MLLT3: variants seen among roughly 807,000 people sequenced by gnomAD.
MLLT3 encodes MLLT3 super elongation complex subunit.
MLLT3 carries 4 observed loss-of-function variants against 53.2 expected under a neutral mutation model. That is an observed-to-expected ratio of 0.08 (90% CI 0.04 to 0.17). The LOEUF is 0.17. Ranked by LOEUF, MLLT3 falls within the 10% of genes least tolerant of loss-of-function variation. The pLI, the probability that MLLT3 is intolerant of heterozygous loss-of-function variation, is 1.00. For synonymous variants in MLLT3, 283 were observed against 230.6 expected (o/e 1.23, Z -2.06); for missense variants, 569 against 684.0 (o/e 0.83, Z 1.87).
At chr9:20,394,567 T>G (rs112096320) in intron 5 of MLLT3, among the ~76,000 whole-genome samples, 1 of 152,128 alleles carries the variant, frequency 6.6e-6, no homozygotes, top group African/African-American at 2.4e-5. Flanking sequence ...GGAGACATCA[T>G]GTCTGGGTGT....
chr9:20,501,834 A>G (rs1167295322), intron 2 of MLLT3, among the ~76,000 whole-genome samples: 1 of 150,838 alleles, frequency 6.6e-6, no homozygotes, highest in African/African-American at 2.4e-5. Context: ...TAATCCCAGC[A>G]TTTTGAGAAG....
chr9:20,391,685 T>C (rs1212973998), intron 5 of MLLT3, among the ~76,000 whole-genome samples: 3 of 152,222 alleles, frequency 2.0e-5, no homozygotes, highest in African/African-American at 4.8e-5. Flanking sequence ...TCTAATGTTA[T>C]TGCATTTAAT....
chr9:20,507,383 C>G (rs926084775), intron 2 of MLLT3, among the ~76,000 whole-genome samples: 7 of 152,122 alleles, frequency 4.6e-5, no homozygotes, highest in Non-Finnish European at 7.4e-5. Flanking sequence ...AAATTGCCTC[C>G]CCCAAGTTGA....
At chr9:20,417,821 G>C (rs1198150482) in intron 4 of MLLT3, among the ~76,000 whole-genome samples, 1 of 152,062 alleles carries the variant, frequency 6.6e-6, no homozygotes, top group East Asian at 1.9e-4. Context: ...TCAAGTGGAG[G>C]ACTTAAGAAA....
chr9:20,563,475 C>CATGTATT (rs1349027631), intron 2 of MLLT3, among the ~76,000 whole-genome samples: 1 of 151,976 alleles, frequency 6.6e-6, no homozygotes, highest in East Asian at 1.9e-4. Flanking sequence ...TTCAGACAAA[C>CATGTATT]CAGGCTAAAT....
chr9:20,387,225 C>A (rs1262804572), intron 5 of MLLT3, among the ~76,000 whole-genome samples: 1 of 152,176 alleles, frequency 6.6e-6, no homozygotes, highest in African/African-American at 2.4e-5. Flanking sequence ...CAGTCGCAGA[C>A]AGTATGTAAA....
intron 2 of MLLT3, among the ~76,000 whole-genome samples, chr9:20,564,867 T>C (rs1450740147): frequency 6.6e-6 from 1 of 152,110 alleles, no homozygotes; most frequent in African/African-American, 2.4e-5. Context: ...CACTAATCCC[T>C]TGAGCCATCC....
chr9:20,597,108 G>A (rs1299496205), intron 2 of MLLT3, among the ~76,000 whole-genome samples: 1 of 151,864 alleles, frequency 6.6e-6, no homozygotes, highest in African/African-American at 2.4e-5. Flanking sequence ...CAAGTACGTA[G>A]AAATACTATC....
At position 20,621,430 on chromosome 9, in the gene MLLT3, ACGT is replaced by A. The variant is rs1353703724; in HGVS notation, c.13-599_13-597del. ...GGGGTTCGTGCACAACAAAAATGAG[ACGT>A]CGTCATACACACTGAAACACACACA... On this transcript the variant is annotated intron_variant, in intron 1 of 10. Transcript: ENST00000380338. This position sits in a 1 kb window ranked among gnomAD's most constrained non-coding sequence, Gnocchi z 7.0. 3.3e-5 allele frequency among the ~76,000 whole-genome samples: 5 copies of A among 152,076 alleles called. No homozygotes were observed. The highest frequency in any genetic ancestry group is 1.2e-4 in the African/African-American group (5 of 41,408).
chr9:20,365,344 G>C (rs753664054), intron 6 of MLLT3, among the ~76,000 whole-genome samples: 2 of 151,826 alleles, frequency 1.3e-5, no homozygotes, highest in Non-Finnish European at 2.9e-5. Context: ...GTTTTGTTTT[G>C]TTTTCTTTTT....
chr9:20,398,344 T>C (rs1187761560), intron 5 of MLLT3, among the ~76,000 whole-genome samples: 1 of 152,076 alleles, frequency 6.6e-6, no homozygotes, highest in East Asian at 1.9e-4. Context: ...TTCCCAAATG[T>C]TGGGATTACA....
chr9:20,561,993 G>A lies in MLLT3; in HGVS notation c.193+58661C>T, dbSNP rs560326881. 3.3e-5 allele frequency among the ~76,000 whole-genome samples: 5 copies of A among 152,114 alleles called. No individual in the cohort carries two copies. The South Asian group carries it at 1.0e-3, about 32-fold the overall frequency. On this transcript the variant is annotated intron_variant, in intron 2 of 10. Coordinates refer to ENST00000380338, the MANE Select transcript of MLLT3 (RefSeq NM_004529.4). ...GGAACAGAAGTAAGGACATCACCAA[G>A]GGGAGATGGAGAGAATCCTAAGCCT...
chr9:20,570,033 T>C (rs1399392787), intron 2 of MLLT3, among the ~76,000 whole-genome samples: 1 of 152,190 alleles, frequency 6.6e-6, no homozygotes, highest in Non-Finnish European at 1.5e-5. Flanking sequence ...TGAAAGATCC[T>C]CAAACTGTGG....
At position 20,559,543 on chromosome 9, in the gene MLLT3, G is replaced by A. The variant is rs554373325; in HGVS notation, c.193+61111C>T. On this transcript the variant is annotated intron_variant, in intron 2 of 10. Coordinates refer to ENST00000380338, the MANE Select transcript of MLLT3 (RefSeq NM_004529.4). ...GATAAGTTGCTGAGTTTATTATATG[G>A]GGATATTTATTTCAAAGCCAATGCC... is the stretch of plus-strand genomic sequence containing the variant. Among the ~76,000 whole-genome samples, 46 of 152,236 alleles carry A rather than the reference G, an allele frequency of 3.0e-4. 1 individual carries two copies. The highest frequency in any genetic ancestry group is 9.6e-4 in the African/African-American group (40 of 41,550).
chr9:20,358,606 C>T (rs1057089404), intron 8 of MLLT3, among the ~76,000 whole-genome samples: 1 of 152,174 alleles, frequency 6.6e-6, no homozygotes, highest in African/African-American at 2.4e-5. Flanking sequence ...TTCAAGACTG[C>T]CCATTCAGGA....
At chr9:20,379,301 T>C (rs1821851639) in intron 5 of MLLT3, among the ~76,000 whole-genome samples, 1 of 152,072 alleles carries the variant, frequency 6.6e-6, no homozygotes. Flanking sequence ...CACAACACTT[T>C]AAATACACTG....
rs919272039 is a variant in MLLT3 at position 20,621,055 on chromosome 9, G to T, written c.13-221C>A. The T allele has an allele frequency of 2.9e-6, 2 of 685,052 alleles. No individual in the cohort carries two copies. The highest frequency in any genetic ancestry group is 5.3e-6 in the Non-Finnish European group (2 of 378,238). The allele number at this position is 685,052 out of a possible 1,614,324, so 42.4% of individuals were successfully genotyped here. The stretch of plus-strand genomic sequence containing the variant: ...CTTGGCCCCAGGCGCCCCGGGCCCC[G>T]CATCTACATCGGACAGGATTGTAAC... On this transcript the variant is annotated intron_variant, in intron 1 of 10. Coordinates refer to ENST00000380338, the MANE Select transcript of MLLT3 (RefSeq NM_004529.4). This position sits in a 1 kb window ranked among gnomAD's most constrained non-coding sequence, Gnocchi z 7.0.
chr9:20,610,507 A>G (rs913391286), intron 2 of MLLT3, among the ~76,000 whole-genome samples: 2 of 152,190 alleles, frequency 1.3e-5, no homozygotes, highest in Non-Finnish European at 2.9e-5. Flanking sequence ...AAATCTGAGT[A>G]ATAATTTATA....
At chr9:20,532,027 C>CA (rs1297485063) in intron 2 of MLLT3, among the ~76,000 whole-genome samples, 1 of 152,008 alleles carries the variant, frequency 6.6e-6, no homozygotes, top group Admixed American at 6.5e-5. Flanking sequence ...CAAAAGCCCA[C>CA]AAAAATGACC....
Sources: gnomAD v4.1 joint callset for allele counts (sites outside exome capture counted in the v4.1 genomes callset) on GRCh38, gnomAD v4.1.1 for gene constraint, Gnocchi (gnomAD v3.1) non-coding constraint, MANE v1.5 for transcripts, NCBI Gene and HGNC (gene_info 2026-07-23, HGNC 2026-07-21) for gene names.